EXOC2: variants seen among roughly 807,000 people sequenced by gnomAD.
EXOC2 encodes exocyst complex component 2.
Under a neutral mutation model 131.8 loss-of-function variants are expected in EXOC2, and 70 were observed. That is an observed-to-expected ratio of 0.53 (90% CI 0.44 to 0.65). The LOEUF is 0.65. Among genes scored for constraint, EXOC2 ranks in the 30% least tolerant of loss-of-function variants. The probability of loss-of-function intolerance (pLI) is 0.00; values close to 1 mark genes in which losing one functional copy is unlikely to be tolerated. For missense variants in EXOC2, 923 were observed against 1,108.6 expected, an observed-to-expected ratio of 0.83 and a Z score of 2.38; for synonymous variants, 411 against 398.4, an observed-to-expected ratio of 1.03 and a Z score of -0.38.
At chr6:631,355 T>C (rs577572937) in intron 3 of EXOC2, among the ~76,000 whole-genome samples, 2 of 152,182 alleles carry the variant, frequency 1.3e-5, no homozygotes, top group East Asian at 1.9e-4. Context: ...CTGACCAACA[T>C]GGTGAAACCC....
At chr6:596,322 G>A (rs776092024) in intron 10 of EXOC2, among the ~76,000 whole-genome samples, 5 of 151,716 alleles carry the variant, frequency 3.3e-5, no homozygotes, top group Admixed American at 1.3e-4. Flanking sequence ...CTTTTCCCCC[G>A]TTCACACTTG....
chr6:628,150 G>A (rs192036970), intron 4 of EXOC2, among the ~76,000 whole-genome samples: 43 of 152,268 alleles, frequency 2.8e-4, no homozygotes, highest in African/African-American at 9.6e-4. Context: ...AACAGGTACT[G>A]CATTGTACAC....
intron 1 of EXOC2, among the ~76,000 whole-genome samples, chr6:639,570 C>G (rs892239099): frequency 6.6e-6 from 1 of 152,164 alleles, no homozygotes; most frequent in East Asian, 1.9e-4. Context: ...CATTATTCCC[C>G]GCAGAAACTG....
intron 23 of EXOC2, among the ~76,000 whole-genome samples, chr6:507,358 CCACACACACACA>C (rs59493114): frequency 2.3e-5 from 3 of 131,332 alleles, no homozygotes; most frequent in South Asian, 2.4e-4. Context: ...AGCAGTGACC[CCACACACACACA>C]CACACACACA....
At position 648,125 on chromosome 6, in the gene EXOC2, T is replaced by A. The variant is rs180943322; in HGVS notation, c.-43-10264A>T. Among the ~76,000 whole-genome samples, 209 of 152,332 alleles carry A rather than the reference T, an allele frequency of 1.4e-3. 1 individual carries two copies. Among genetic ancestry groups the A allele is most frequent in the African/African-American group, 4.9e-3 (205 of 41,574 alleles). On this transcript the variant is annotated intron_variant, in intron 1 of 27. Coordinates refer to ENST00000230449, the MANE Select transcript of EXOC2 (RefSeq NM_018303.6). ...ATAAGAACATATCTGCTTTTCACAC[T>A]GCAGTATCCGTAGCACATCCAACAG...
chr6:563,305 T>C (rs78687444), intron 16 of EXOC2, among the ~76,000 whole-genome samples: 3,133 of 152,308 alleles, frequency 0.021, 53 homozygotes, highest in Middle Eastern at 0.041. Context: ...ACCTTCGGCC[T>C]TGGGGCAGGC....
chr6:553,367 A>T (rs762989079), intron 21 of EXOC2, among the ~76,000 whole-genome samples: 1 of 146,706 alleles, frequency 6.8e-6, no homozygotes, highest in African/African-American at 2.5e-5. Context: ...TATGCAGTGT[A>T]TGCATACATC....
At chr6:556,115 G>T in intron 18 of EXOC2, 102 bp from the exon 19 acceptor site, 1 of 1,047,574 alleles carries the variant, frequency 9.5e-7, no homozygotes, top group Non-Finnish European at 1.5e-6. Context: ...CGCTGCTGCA[G>T]GAGTGGTGCC....
In EXOC2 at chr6:599,142, C is replaced by G; in HGVS notation, c.826G>C (p.Val276Leu). The G allele has an allele frequency of 1.2e-6, 2 of 1,613,274 alleles. No individual in the cohort carries two copies. The highest frequency in any genetic ancestry group is 1.7e-6 in the Non-Finnish European group (2 of 1,179,562). ...KADSTRNALN[V>L]LQRFKFLFNL... ...AAAAGAAACTTAAATCGCTGAAGCA[C>G]ATTGAGTGCATTTCTAGTGGAATCT... Residue 276 changes from valine (V) to leucine (L), a missense_variant, in exon 8 of 28, where the codon GTG becomes CTG. Transcript: ENST00000230449.
chr6:495,595 C>T (rs1262219151), intron 25 of EXOC2, among the ~76,000 whole-genome samples: 2 of 152,156 alleles, frequency 1.3e-5, no homozygotes, highest in East Asian at 3.8e-4. Context: ...GTATGTTTAG[C>T]TTGAGAAGAA....
chr6:681,684 T>C (rs772806019), intron 1 of EXOC2, among the ~76,000 whole-genome samples: 35 of 152,234 alleles, frequency 2.3e-4, no homozygotes, highest in Non-Finnish European at 4.1e-4. Context: ...TGAGAATATA[T>C]AAAACAATTC....
At chr6:657,166 C>A in intron 1 of EXOC2, 1 of 397,386 alleles carries the variant, frequency 2.5e-6, no homozygotes. Flanking sequence ...TTCTCACCTT[C>A]CCTCCAGCCC....
intron 6 of EXOC2, among the ~76,000 whole-genome samples, chr6:616,935 A>T (rs1007432329): frequency 4.0e-5 from 6 of 151,784 alleles, no homozygotes; most frequent in Non-Finnish European, 4.4e-5. Flanking sequence ...GAGAGGGAGG[A>T]GGGGGACTTT....
intron 4 of EXOC2, among the ~76,000 whole-genome samples, chr6:627,924 G>T (rs750354504): frequency 6.6e-6 from 1 of 152,090 alleles, no homozygotes; most frequent in Admixed American, 6.5e-5. Context: ...GTACTTATTG[G>T]ATAAATGTAC....
At position 654,803 on chromosome 6, in the gene EXOC2, CAAAAAAAAAAAAAA is replaced by C. The variant is rs66637987; in HGVS notation, c.-43-16956_-43-16943del. Among the ~76,000 whole-genome samples the C allele has an allele frequency of 4.1e-3, 122 of 29,584 alleles. 3 individuals are homozygous for C. Among genetic ancestry groups the C allele is most frequent in the South Asian group, 0.022 (9 of 404 alleles). 19.4% of individuals were successfully genotyped at this position (29,584 alleles called of 152,430 possible). A position where few individuals can be genotyped will look rare whatever the true frequency, so the allele number is the denominator to read the frequency against. ...TGGGTGACAGAGTAAGACCCTGTCT[CAAAAAAAAAAAAAA>C]AAAAAAAAAAAAAAAAAAAAGTAGA... On this transcript the variant is annotated intron_variant, in intron 1 of 27. Transcript: ENST00000230449.
intron 24 of EXOC2, among the ~76,000 whole-genome samples, chr6:499,432 C>CACAT (rs2127480146): frequency 1.4e-5 from 1 of 70,450 alleles, no homozygotes; most frequent in Admixed American, 1.5e-4. Context: ...CACAGTTAAA[C>CACAT]ACACACACAC....
At chr6:594,133 TAAG>T (rs911114586) in intron 10 of EXOC2, among the ~76,000 whole-genome samples, 46 of 152,204 alleles carry the variant, frequency 3.0e-4, no homozygotes, top group African/African-American at 1.0e-3. Context: ...TTACTCAGAT[TAAG>T]AAGTCACCAG....
rs766350878 is a variant in EXOC2, at chr6:572,771, C to T, written c.1319-127G>A. 42 of 1,192,864 alleles carry T rather than the reference C, an allele frequency of 3.5e-5. No homozygotes were observed. In the South Asian group the frequency reaches 5.8e-4, roughly 16 times the overall value. 73.9% of individuals were successfully genotyped at this position (1,192,864 alleles called of 1,614,324 possible). On this transcript the variant is annotated intron_variant, in intron 12 of 27. Transcript: ENST00000230449. Reference sequence around the variant, plus strand: ...ATGCACTAGGAATAGCCTGAGTCTGCGTGGACGCTCGCGGCCCACCTGGCT... The same window carrying T: ...ATGCACTAGGAATAGCCTGAGTCTGTGTGGACGCTCGCGGCCCACCTGGCT...
At chr6:658,158 T>C (rs1254583054) in intron 1 of EXOC2, among the ~76,000 whole-genome samples, 2 of 152,132 alleles carry the variant, frequency 1.3e-5, no homozygotes, top group Non-Finnish European at 2.9e-5. Context: ...AATCCACTTC[T>C]CCACTAACCT....
Sources: gnomAD v4.1 joint callset for allele counts (sites outside exome capture counted in the v4.1 genomes callset) on GRCh38, gnomAD v4.1.1 for gene constraint, MANE v1.5 for transcripts, NCBI Gene and HGNC (gene_info 2026-07-23, HGNC 2026-07-21) for gene names.